Variants in CPED1 observed in about 807,000 individuals in gnomAD.
CPED1 encodes the protein cadherin like and PC-esterase domain containing 1.
In CPED1, 114 loss-of-function variants were observed where a neutral mutation model predicts 128.2. The ratio of observed to expected loss-of-function variants is 0.89; its 90% CI spans 0.76 to 1.04. CPED1 has a LOEUF of 1.04. Among genes scored for constraint, CPED1 ranks in the 50% least tolerant of loss-of-function variants. The pLI, the probability that CPED1 is intolerant of heterozygous loss-of-function variation, is 0.00. For synonymous variants in CPED1, 462 were observed against 426.7 expected (o/e 1.08, Z -1.02); for missense variants, 1,211 against 1,207.1 (o/e 1.00, Z -0.05).
At chr7:121,047,651 T>TCTC (rs1563004729) in intron 4 of CPED1, among the ~76,000 whole-genome samples, 3 of 3,336 alleles carry the variant, frequency 9.0e-4, no homozygotes, top group African/African-American at 2.0e-3. Flanking sequence ...GCACCTTTCT[T>TCTC]CTTCTTCTTC....
chr7:121,007,230 C>CTTTTTTTTT (rs147867549), intron 2 of CPED1, among the ~76,000 whole-genome samples: 10 of 115,856 alleles, frequency 8.6e-5, no homozygotes, highest in South Asian at 3.2e-4. Flanking sequence ...GTTCAGGTTG[C>CTTTTTTTTT]ATTTTTTTTT....
At chr7:121,123,990 G>C (rs2116312700) in intron 7 of CPED1, among the ~76,000 whole-genome samples, 1 of 152,242 alleles carries the variant, frequency 6.6e-6, no homozygotes. Context: ...CAAAGATTCT[G>C]AGCAGTGGGT....
At chr7:121,040,873 T>C (rs1164578879) in intron 3 of CPED1, among the ~76,000 whole-genome samples, 1 of 152,070 alleles carries the variant, frequency 6.6e-6, no homozygotes, top group African/African-American at 2.4e-5. Context: ...TTTGTAGCTT[T>C]GTATTCTAGA....
At chr7:121,001,033 C>T (rs1562987572) in intron 2 of CPED1, among the ~76,000 whole-genome samples, 2 of 152,144 alleles carry the variant, frequency 1.3e-5, no homozygotes, top group Non-Finnish European at 2.9e-5. Context: ...ATCTCAAAAA[C>T]AAGCACTGGG....
intron 16 of CPED1, among the ~76,000 whole-genome samples, chr7:121,197,901 T>C (rs1157099588): frequency 6.6e-6 from 1 of 152,136 alleles, no homozygotes; most frequent in East Asian, 1.9e-4. Flanking sequence ...GCCAAGCTAG[T>C]AGATGAAACC....
intron 1 of CPED1, chr7:120,989,144 A>C (rs1796267957): frequency 6.2e-6 from 1 of 160,290 alleles, no homozygotes; most frequent in Non-Finnish European, 1.4e-5. Flanking sequence ...ACCTGGCCTG[A>C]GTTCAGCTGT....
intron 5 of CPED1, among the ~76,000 whole-genome samples, chr7:121,067,081 C>T (rs1793847502): frequency 6.6e-6 from 1 of 150,994 alleles, no homozygotes; most frequent in Non-Finnish European, 1.5e-5. Context: ...GGGTGCAGTC[C>T]TAAAACTAAT....
chr7:121,150,468 G>A (rs866176825), intron 16 of CPED1, among the ~76,000 whole-genome samples: 4 of 152,118 alleles, frequency 2.6e-5, no homozygotes, highest in East Asian at 1.9e-4. Context: ...TGTGCATCTA[G>A]GTTGATTCCA....
chr7:121,099,788 T>C, intron 6 of CPED1, 138 bp from the exon 7 acceptor site: 1 of 804,438 alleles, frequency 1.2e-6, no homozygotes, highest in Non-Finnish European at 1.9e-6. Flanking sequence ...GCAACTGAAA[T>C]TGTTCAAGGA....
At chr7:121,107,447 A>G (rs1795005330) in intron 7 of CPED1, among the ~76,000 whole-genome samples, 1 of 152,172 alleles carries the variant, frequency 6.6e-6, no homozygotes, top group African/African-American at 2.4e-5. Flanking sequence ...TTATTTATGT[A>G]GGAAACAAAT....
chr7:121,083,043 G>C (rs1326961978), intron 5 of CPED1, among the ~76,000 whole-genome samples: 1 of 152,136 alleles, frequency 6.6e-6, no homozygotes, highest in Non-Finnish European at 1.5e-5. Flanking sequence ...TTTGTATAGG[G>C]CATTCAACAG....
At chr7:121,239,170 G>T (rs1798328853) in intron 17 of CPED1, among the ~76,000 whole-genome samples, 1 of 152,160 alleles carries the variant, frequency 6.6e-6, no homozygotes. Context: ...TGATTTAGGA[G>T]CTCTGGATTT....
intron 4 of CPED1, chr7:121,050,719 C>T (rs549670628): frequency 4.6e-6 from 2 of 432,308 alleles, no homozygotes; most frequent in South Asian, 3.2e-5. Context: ...CCGCCTCGGC[C>T]TCCCAAAGTG....
chr7:121,146,937 G>T (rs1311376306), intron 16 of CPED1, among the ~76,000 whole-genome samples: 5 of 152,016 alleles, frequency 3.3e-5, no homozygotes, highest in Non-Finnish European at 7.4e-5. Flanking sequence ...ATATTTCTTT[G>T]TTCCAGGGAA....
At position 121,127,155 on chromosome 7, in the gene CPED1, A is replaced by C; in HGVS notation, c.1200A>C (p.Glu400Asp). The change falls in exon 10 of 23, where the codon GAA becomes GAC. Residue 400 changes from glutamate (E) to aspartate (D), a missense_variant. By Grantham distance (45) the Glu-to-Asp change is conservative. Coordinates refer to ENST00000310396, the MANE Select transcript of CPED1 (RefSeq NM_024913.5). ...NMDFEDQNTE[E>D]FLLNDTFNFL... ...ATTTTGAGGACCAAAATACAGAAGAATTCCTTTTAAATGACACTTTCAATT... is the reference window on the plus strand; with the variant it reads ...ATTTTGAGGACCAAAATACAGAAGACTTCCTTTTAAATGACACTTTCAATT... 9 of 1,597,136 alleles carry C rather than the reference A, an allele frequency of 5.6e-6. No individual in the cohort carries two copies. The highest frequency in any genetic ancestry group is 7.7e-6 in the Non-Finnish European group (9 of 1,166,998).
intron 16 of CPED1, among the ~76,000 whole-genome samples, chr7:121,224,430 A>G (rs1797954026): frequency 6.6e-6 from 1 of 152,178 alleles, no homozygotes; most frequent in African/African-American, 2.4e-5. Context: ...AAGAATGTAT[A>G]TTCTGTTGAT....
At chr7:121,278,961 T>C (rs979352068) in intron 22 of CPED1, among the ~76,000 whole-genome samples, 4 of 152,200 alleles carry the variant, frequency 2.6e-5, no homozygotes, top group African/African-American at 9.6e-5. Flanking sequence ...AACTCCTTCA[T>C]GTTCTTTGCA....
At chr7:121,067,220 C>T (rs992051737) in intron 5 of CPED1, among the ~76,000 whole-genome samples, 2 of 152,072 alleles carry the variant, frequency 1.3e-5, no homozygotes, top group Non-Finnish European at 1.5e-5. Context: ...ACCATTAGCT[C>T]GTCATTTAAC....
At chr7:121,101,568 C>T (rs923206348) in intron 7 of CPED1, among the ~76,000 whole-genome samples, 2 of 152,112 alleles carry the variant, frequency 1.3e-5, no homozygotes, top group South Asian at 2.1e-4. Context: ...TTGAATCGTA[C>T]AATCTGTGTC....
Sources: allele counts gnomAD v4.1 joint callset (sites outside exome capture counted in the v4.1 genomes callset), GRCh38; gene constraint gnomAD v4.1.1; transcripts MANE v1.5; gene names NCBI Gene and HGNC (gene_info 2026-07-23, HGNC 2026-07-21).